SLC10A7: variants seen among roughly 807,000 people sequenced by gnomAD.
SLC10A7 encodes the protein sodium/bile acid cotransporter 7.
In SLC10A7, 29 loss-of-function variants were observed where a neutral mutation model predicts 43.2. The observed-to-expected ratio is 0.67, with a 90% CI of 0.50 to 0.92. SLC10A7 has a LOEUF of 0.92. Ranked by LOEUF, SLC10A7 falls within the 40% of genes least tolerant of loss-of-function variation. The pLI is 0.00. For missense variants in SLC10A7, 295 were observed against 403.2 expected (o/e 0.73, Z 2.30); for synonymous variants, 152 against 144.8 (o/e 1.05, Z -0.35).
At chr4:146,474,720 A>C (rs1408283845) in intron 4 of SLC10A7, among the ~76,000 whole-genome samples, 1 of 152,224 alleles carries the variant, frequency 6.6e-6, no homozygotes, top group African/African-American at 2.4e-5. Context: ...TATAAAACTT[A>C]TAAAATTTAC....
At chr4:146,257,511 C>T (rs2110967184) in intron 11 of SLC10A7, among the ~76,000 whole-genome samples, 1 of 152,306 alleles carries the variant, frequency 6.6e-6, no homozygotes, top group African/African-American at 2.4e-5. Flanking sequence ...CTAACTCCAG[C>T]ACTGGCTGAA....
chr4:146,345,336 C>T (rs1196694286), intron 5 of SLC10A7, among the ~76,000 whole-genome samples: 2 of 152,156 alleles, frequency 1.3e-5, no homozygotes, highest in African/African-American at 2.4e-5. Context: ...TGGGAGACTA[C>T]AACACAGTTT....
chr4:146,408,287 G>T (rs1304300926), intron 5 of SLC10A7, among the ~76,000 whole-genome samples: 1 of 152,054 alleles, frequency 6.6e-6, no homozygotes, highest in Non-Finnish European at 1.5e-5. Flanking sequence ...GTGGCTCACA[G>T]CTATGATCTT....
chr4:146,365,557 T>C (rs1736331844), intron 5 of SLC10A7, among the ~76,000 whole-genome samples: 1 of 152,238 alleles, frequency 6.6e-6, no homozygotes, highest in African/African-American at 2.4e-5. Context: ...TTACTGTTAA[T>C]AAACAATGCT....
In SLC10A7 at chr4:146,412,004, C is replaced by G. The variant is rs922251490; in HGVS notation, c.435+30779G>C. On this transcript the variant is annotated intron_variant, in intron 5 of 11. Coordinates refer to ENST00000335472, the MANE Select transcript of SLC10A7 (RefSeq NM_001029998.6). ...TACCTGAAACTTCATATGTGCAGAA[C>G]ACTGCATGCAGACCAGTGGCATTTT... Among the ~76,000 whole-genome samples, 4 of 152,170 alleles carry G rather than the reference C, an allele frequency of 2.6e-5. No individual in the cohort carries two copies. The South Asian group carries it at 8.3e-4, about 32-fold the overall frequency.
At chr4:146,428,737 G>A (rs538673536) in intron 5 of SLC10A7, among the ~76,000 whole-genome samples, 2 of 151,940 alleles carry the variant, frequency 1.3e-5, no homozygotes, top group South Asian at 4.2e-4. Flanking sequence ...ATTAAAGTAT[G>A]TATTTCACAA....
chr4:146,520,687 A>G (rs2150067603), intron 1 of SLC10A7, among the ~76,000 whole-genome samples: 1 of 152,244 alleles, frequency 6.6e-6, no homozygotes, highest in African/African-American at 2.4e-5. Context: ...GTGCCTGTTC[A>G]CCTCTATCCT....
chr4:146,408,157 G>A (rs1301798117), intron 5 of SLC10A7, among the ~76,000 whole-genome samples: 3 of 152,144 alleles, frequency 2.0e-5, no homozygotes, highest in African/African-American at 4.8e-5. Context: ...CATATCAGCG[G>A]TGCCTTTTCC....
intron 5 of SLC10A7, among the ~76,000 whole-genome samples, chr4:146,385,811 C>G (rs1442792741): frequency 6.6e-6 from 1 of 152,132 alleles, no homozygotes; most frequent in African/African-American, 2.4e-5. Flanking sequence ...TCCGTAAGTA[C>G]CCAGTGTTTA....
intron 5 of SLC10A7, among the ~76,000 whole-genome samples, chr4:146,409,891 A>G (rs1276627545): frequency 6.6e-6 from 1 of 152,226 alleles, no homozygotes; most frequent in Admixed American, 6.5e-5. Flanking sequence ...AAGTGATCAC[A>G]AAAAGTGATA....
At chr4:146,280,851 G>A (rs1291866242) in intron 10 of SLC10A7, among the ~76,000 whole-genome samples, 4 of 152,112 alleles carry the variant, frequency 2.6e-5, no homozygotes, top group Non-Finnish European at 5.9e-5. Context: ...ACAGAATATT[G>A]GAGCTGGAAG....
At chr4:146,294,135 T>C (rs774536534) in intron 7 of SLC10A7, 40 bp from the exon 8 acceptor site, 4 of 1,475,558 alleles carry the variant, frequency 2.7e-6, no homozygotes, top group Admixed American at 3.8e-5. Flanking sequence ...TTTTCAGAGA[T>C]GGAGGGAGTT....
chr4:146,328,743 T>A (rs1344743870), intron 5 of SLC10A7, among the ~76,000 whole-genome samples: 4 of 152,222 alleles, frequency 2.6e-5, no homozygotes, highest in African/African-American at 9.6e-5. Context: ...ATACAGAGAC[T>A]ACAATACTGT....
chr4:146,355,213 C>G (rs1182743335), intron 5 of SLC10A7, among the ~76,000 whole-genome samples: 1 of 151,898 alleles, frequency 6.6e-6, no homozygotes, highest in African/African-American at 2.4e-5. Flanking sequence ...TCAACCCCAT[C>G]AAAAAGTGGG....
intron 5 of SLC10A7, among the ~76,000 whole-genome samples, chr4:146,386,368 G>A (rs1310537681): frequency 3.9e-5 from 6 of 152,010 alleles, no homozygotes; most frequent in African/African-American, 1.4e-4. Flanking sequence ...GTTTTTAAAC[G>A]TACAGAAAAG....
At chr4:146,265,835 G>A (rs1167569341) in intron 10 of SLC10A7, among the ~76,000 whole-genome samples, 1 of 152,148 alleles carries the variant, frequency 6.6e-6, no homozygotes, top group African/African-American at 2.4e-5. Context: ...TGATATGGCA[G>A]GAAGGAAAGA....
At chr4:146,470,115 T>G (rs1733427591) in intron 4 of SLC10A7, among the ~76,000 whole-genome samples, 1 of 152,178 alleles carries the variant, frequency 6.6e-6, no homozygotes, top group African/African-American at 2.4e-5. Flanking sequence ...ATACAGAGCT[T>G]GCACTATTAT....
At chr4:146,471,302 T>C (rs1320897846) in intron 4 of SLC10A7, among the ~76,000 whole-genome samples, 5 of 152,220 alleles carry the variant, frequency 3.3e-5, no homozygotes, top group African/African-American at 4.8e-5. Flanking sequence ...AATTTAGGCA[T>C]ATACTAAAGT....
intron 5 of SLC10A7, among the ~76,000 whole-genome samples, chr4:146,393,812 A>G (rs1230235698): frequency 6.6e-6 from 1 of 151,924 alleles, no homozygotes; most frequent in Admixed American, 6.5e-5. Flanking sequence ...TATAAAATGT[A>G]TGAAACTAGT....
Sources: gnomAD v4.1 joint callset for allele counts (sites outside exome capture counted in the v4.1 genomes callset) on GRCh38, gnomAD v4.1.1 for gene constraint, MANE v1.5 for transcripts, NCBI Gene and HGNC (gene_info 2026-07-23, HGNC 2026-07-21) for gene names.